Variants in EPHA7 observed in about 807,000 individuals in gnomAD.
EPHA7 encodes EPH receptor A7.
Under a neutral mutation model 112.6 loss-of-function variants are expected in EPHA7, and 25 were observed. The ratio of observed to expected loss-of-function variants is 0.22; its 90% CI spans 0.16 to 0.31. EPHA7 has a LOEUF of 0.31. Among genes scored for constraint, EPHA7 ranks in the 10% least tolerant of loss-of-function variants. The pLI is 1.00. For synonymous variants in EPHA7, 437 were observed against 406.5 expected, an observed-to-expected ratio of 1.07 and a Z score of -0.90; for missense variants, 962 against 1,212.6, an observed-to-expected ratio of 0.79 and a Z score of 3.07.
At chr6:93,255,724 A>G in intron 13 of EPHA7, 104 bp downstream of exon 13, 3 of 1,016,428 alleles carry the variant, frequency 3.0e-6, no homozygotes, top group Non-Finnish European at 4.4e-6. Flanking sequence ...TGCTTAGCTC[A>G]ATTTGCTTCA....
intron 9 of EPHA7, among the ~76,000 whole-genome samples, chr6:93,263,153 G>T (rs563499981): frequency 6.6e-6 from 1 of 151,226 alleles, no homozygotes; most frequent in Non-Finnish European, 1.5e-5. Context: ...GAAGTAATTT[G>T]GTTGTTAGGT....
At chr6:93,349,992 T>A (rs897486806) in intron 5 of EPHA7, among the ~76,000 whole-genome samples, 42 of 152,018 alleles carry the variant, frequency 2.8e-4, no homozygotes, top group African/African-American at 9.4e-4. Context: ...CAGGTTATAT[T>A]TCATCTGGTA....
intron 5 of EPHA7, among the ~76,000 whole-genome samples, chr6:93,286,916 T>C (rs933319547): frequency 7.2e-5 from 11 of 152,142 alleles, no homozygotes; most frequent in African/African-American, 2.7e-4. Context: ...CTAGATGGCA[T>C]ATATAATATG....
chr6:93,298,939 TAAAC>T (rs923218569), intron 5 of EPHA7, among the ~76,000 whole-genome samples: 4 of 152,016 alleles, frequency 2.6e-5, no homozygotes, highest in African/African-American at 7.3e-5. Flanking sequence ...ATAAGGAACT[TAAAC>T]AAATTTACAA....
chr6:93,327,071 G>A (rs1190716704), intron 5 of EPHA7, among the ~76,000 whole-genome samples: 2 of 151,480 alleles, frequency 1.3e-5, no homozygotes, highest in East Asian at 1.9e-4. Context: ...GGCATGTGCC[G>A]AGCAGAGCTG....
At chr6:93,368,290 A>C (rs577071565) in intron 3 of EPHA7, among the ~76,000 whole-genome samples, 1 of 152,266 alleles carries the variant, frequency 6.6e-6, no homozygotes, top group East Asian at 1.9e-4. Flanking sequence ...GGTGACTATA[A>C]ATTCTGAAGT....
At chr6:93,370,375 A>T (rs1776729424) in intron 3 of EPHA7, among the ~76,000 whole-genome samples, 1 of 152,208 alleles carries the variant, frequency 6.6e-6, no homozygotes, top group Non-Finnish European at 1.5e-5. Flanking sequence ...TAGATTACTG[A>T]GAATTGCCAT....
At chr6:93,385,618 T>C (rs1777560553) in intron 3 of EPHA7, among the ~76,000 whole-genome samples, 1 of 152,010 alleles carries the variant, frequency 6.6e-6, no homozygotes, top group Non-Finnish European at 1.5e-5. Context: ...GAGACAATGA[T>C]GGGTAATTTT....
At chr6:93,304,482 C>A (rs1773151653) in intron 5 of EPHA7, among the ~76,000 whole-genome samples, 1 of 151,974 alleles carries the variant, frequency 6.6e-6, no homozygotes, top group South Asian at 2.1e-4. Context: ...GCCACTATAC[C>A]ACCTACTTTA....
At chr6:93,276,970 T>A (rs1172166805) in intron 5 of EPHA7, among the ~76,000 whole-genome samples, 1 of 152,094 alleles carries the variant, frequency 6.6e-6, no homozygotes. Flanking sequence ...CATAAAATGA[T>A]CTTTCAGCAA....
At chr6:93,312,171 A>G (rs1773575003) in intron 5 of EPHA7, among the ~76,000 whole-genome samples, 1 of 152,224 alleles carries the variant, frequency 6.6e-6, no homozygotes, top group African/African-American at 2.4e-5. Context: ...GCCCTTAAAA[A>G]GAGAGTCAGC....
At position 93,412,114 on chromosome 6, in the gene EPHA7, T is replaced by C. The variant is rs901727977; in HGVS notation, c.163-944A>G. 2.0e-5 allele frequency among the ~76,000 whole-genome samples: 3 copies of C among 152,196 alleles called. No homozygotes were observed. The South Asian group carries it at 6.2e-4, about 32-fold the overall frequency. On this transcript the variant is annotated intron_variant, in intron 2 of 16. Coordinates refer to ENST00000369303, the MANE Select transcript of EPHA7 (RefSeq NM_004440.4). ...CACCTAGGAATCTTAAAAGCCTAAATGAATGGTTTGTTTTCTTCGTACAAT... is the reference window on the plus strand; with the variant it reads ...CACCTAGGAATCTTAAAAGCCTAAACGAATGGTTTGTTTTCTTCGTACAAT...
chr6:93,407,389 AG>A (rs1181376025), intron 3 of EPHA7, among the ~76,000 whole-genome samples: 2 of 152,050 alleles, frequency 1.3e-5, no homozygotes, highest in African/African-American at 4.8e-5. Flanking sequence ...AATACTATAA[AG>A]GCAAGCCTGG....
chr6:93,290,409 G>A (rs1772300121), intron 5 of EPHA7, among the ~76,000 whole-genome samples: 1 of 151,938 alleles, frequency 6.6e-6, no homozygotes, highest in Admixed American at 6.6e-5. Flanking sequence ...TATAATAATT[G>A]TACAAGATTG....
intron 5 of EPHA7, among the ~76,000 whole-genome samples, chr6:93,322,072 G>C (rs752739218): frequency 6.6e-6 from 1 of 151,504 alleles, no homozygotes; most frequent in African/African-American, 2.4e-5. Context: ...ACAATACAAG[G>C]CTCAATATGT....
chr6:93,320,176 A>G (rs1367164714), intron 5 of EPHA7, among the ~76,000 whole-genome samples: 1 of 152,008 alleles, frequency 6.6e-6, no homozygotes, highest in Non-Finnish European at 1.5e-5. Context: ...CCTCCTTGTG[A>G]AACTGTAGAA....
At chr6:93,263,003 G>A (rs1009755743) in intron 9 of EPHA7, among the ~76,000 whole-genome samples, 2 of 150,842 alleles carry the variant, frequency 1.3e-5, no homozygotes, top group African/African-American at 4.9e-5. Flanking sequence ...CTTATGTCAT[G>A]GGAAATTTAT....
chr6:93,332,063 A>C (rs1474510199), intron 5 of EPHA7, among the ~76,000 whole-genome samples: 1 of 151,620 alleles, frequency 6.6e-6, no homozygotes, highest in Non-Finnish European at 1.5e-5. Flanking sequence ...ATATCACGGG[A>C]AACAGGTACT....
At chr6:93,291,194 C>G (rs1023778611) in intron 5 of EPHA7, among the ~76,000 whole-genome samples, 3 of 152,076 alleles carry the variant, frequency 2.0e-5, no homozygotes, top group African/African-American at 7.2e-5. Context: ...AATTGTGTAA[C>G]ATATTTTGTT....
Sources: gnomAD v4.1 joint callset for allele counts (sites outside exome capture counted in the v4.1 genomes callset) on GRCh38, gnomAD v4.1.1 for gene constraint, MANE v1.5 for transcripts, NCBI Gene and HGNC (gene_info 2026-07-23, HGNC 2026-07-21) for gene names.